The following DPP10 variants were observed in gnomAD, a reference collection of about 807,000 sequenced individuals.
DPP10 encodes the protein dipeptidyl peptidase like 10.
In DPP10, 33 loss-of-function variants were observed where a neutral mutation model predicts 120.9. The observed-to-expected ratio is 0.27, with a 90% CI of 0.21 to 0.37. The LOEUF (loss-of-function observed/expected upper bound fraction) is 0.37. Among genes scored for constraint, DPP10 ranks in the 10% least tolerant of loss-of-function variants. DPP10 has a pLI of 1.00. For synonymous variants in DPP10, 337 were observed against 326.1 expected, an observed-to-expected ratio of 1.03 and a Z score of -0.36; for missense variants, 816 against 942.8, an observed-to-expected ratio of 0.87 and a Z score of 1.76.
At chr2:115,197,142 C>T (rs2055337850) in intron 1 of DPP10, among the ~76,000 whole-genome samples, 1 of 152,066 alleles carries the variant, frequency 6.6e-6, no homozygotes, top group Admixed American at 6.6e-5. Flanking sequence ...GCCTATAATC[C>T]CAGCACTTTG....
At chr2:115,758,010 G>A (rs1679639362) in intron 11 of DPP10, among the ~76,000 whole-genome samples, 1 of 152,008 alleles carries the variant, frequency 6.6e-6, no homozygotes, top group South Asian at 2.1e-4. Context: ...GTACTATCAA[G>A]CAAACTTTAC....
intron 1 of DPP10, among the ~76,000 whole-genome samples, chr2:115,107,615 T>C (rs1047239754): frequency 6.6e-5 from 10 of 151,932 alleles, no homozygotes; most frequent in African/African-American, 2.4e-4. Flanking sequence ...TAGATAGGTA[T>C]AGGTATAACA....
intron 1 of DPP10, among the ~76,000 whole-genome samples, chr2:114,794,425 G>T (rs545645462): frequency 1.3e-5 from 2 of 152,264 alleles, no homozygotes; most frequent in East Asian, 3.9e-4. Flanking sequence ...AGGGTGTTCC[G>T]TTCCATTGTT....
chr2:115,341,526 T>C (rs1176089128), intron 2 of DPP10, among the ~76,000 whole-genome samples: 1 of 152,150 alleles, frequency 6.6e-6, no homozygotes, highest in Non-Finnish European at 1.5e-5. Flanking sequence ...TTTGGACAAG[T>C]AAATAAAGAC....
chr2:115,645,590 C>T (rs2087174211), intron 5 of DPP10, among the ~76,000 whole-genome samples: 1 of 152,070 alleles, frequency 6.6e-6, no homozygotes, highest in African/African-American at 2.4e-5. Flanking sequence ...GAAAATGAAA[C>T]TCCCCCTTAC....
At chr2:114,929,508 C>G (rs1163784602) in intron 1 of DPP10, among the ~76,000 whole-genome samples, 1 of 152,192 alleles carries the variant, frequency 6.6e-6, no homozygotes, top group East Asian at 1.9e-4. Context: ...TTATTCCTTA[C>G]TGGGAAAAGA....
At chr2:114,832,454 G>A (rs1271180101) in intron 1 of DPP10, among the ~76,000 whole-genome samples, 2 of 152,170 alleles carry the variant, frequency 1.3e-5, no homozygotes, top group African/African-American at 2.4e-5. Flanking sequence ...AGAAATGCTT[G>A]AATCCAAGAG....
intron 1 of DPP10, among the ~76,000 whole-genome samples, chr2:114,628,729 T>A (rs1308426957): frequency 6.6e-6 from 1 of 152,062 alleles, no homozygotes; most frequent in Non-Finnish European, 1.5e-5. Flanking sequence ...GACAAATAGA[T>A]TAGTAACAAT....
At chr2:115,413,036 A>G (rs2069085295) in intron 3 of DPP10, among the ~76,000 whole-genome samples, 3 of 152,142 alleles carry the variant, frequency 2.0e-5, no homozygotes, top group South Asian at 2.1e-4. Flanking sequence ...GCTGTCTAAC[A>G]TTAAGTATAA....
intron 15 of DPP10, among the ~76,000 whole-genome samples, chr2:115,778,429 CA>C (rs576578327): frequency 2.0e-5 from 3 of 151,872 alleles, no homozygotes; most frequent in African/African-American, 7.3e-5. Flanking sequence ...AAACTATACT[CA>C]AAAAAAGGCT....
intron 3 of DPP10, among the ~76,000 whole-genome samples, chr2:115,379,127 G>A (rs1324483300): frequency 1.3e-5 from 2 of 152,140 alleles, no homozygotes; most frequent in Admixed American, 6.5e-5. Context: ...AGAAGGAATG[G>A]TACCAGTTCC....
At chr2:114,517,989 C>G (rs1684742126) in intron 1 of DPP10, among the ~76,000 whole-genome samples, 1 of 147,674 alleles carries the variant, frequency 6.8e-6, no homozygotes, top group Non-Finnish European at 1.5e-5. Context: ...TCTTCCTCAA[C>G]ATATTGTTTA....
chr2:115,420,956 T>TA (rs2069890643), intron 3 of DPP10, among the ~76,000 whole-genome samples: 1 of 152,152 alleles, frequency 6.6e-6, no homozygotes, highest in African/African-American at 2.4e-5. Flanking sequence ...AATCTAGAAA[T>TA]ACGTAATTTT....
At chr2:115,818,089 G>A (rs1575879163) in intron 21 of DPP10, among the ~76,000 whole-genome samples, 1 of 152,110 alleles carries the variant, frequency 6.6e-6, no homozygotes. Flanking sequence ...AAAAGGGAGA[G>A]CAAGAGCAGT....
chr2:115,380,462 G>C (rs189937324), intron 3 of DPP10, among the ~76,000 whole-genome samples: 3 of 151,984 alleles, frequency 2.0e-5, no homozygotes, highest in African/African-American at 2.4e-5. Flanking sequence ...ATGTGAGATG[G>C]GTTTCCTGAA....
At chr2:114,497,283 GTATACA>G (rs1682682904) in intron 1 of DPP10, among the ~76,000 whole-genome samples, 1 of 60,866 alleles carries the variant, frequency 1.6e-5, no homozygotes, top group Non-Finnish European at 4.1e-5. Context: ...ATGTATACGT[GTATACA>G]TGTACATGTA....
At position 114,881,598 on chromosome 2, in the gene DPP10, GTCTATCTA is replaced by G. The variant is rs58501993; in HGVS notation, c.61-427603_61-427596del. ...TATCTATCTGTCTGTCTGTCTGTCT[GTCTATCTA>G]TCTATCTATCTATCTATCTATCTAT... On this transcript the variant is annotated intron_variant, in intron 1 of 25. Coordinates refer to ENST00000410059, the MANE Select transcript of DPP10 (RefSeq NM_020868.6). Among the ~76,000 whole-genome samples the G allele has an allele frequency of 2.4e-3, 344 of 141,174 alleles. 6 individuals carry two copies. The highest frequency in any genetic ancestry group is 0.014 in the Middle Eastern group (4 of 284). 92.6% of individuals were successfully genotyped at this position (141,174 alleles called of 152,430 possible). A position where few individuals can be genotyped will look rare whatever the true frequency, so the allele number is the denominator to read the frequency against.
chr2:114,453,169 T>C (rs1678378695), intron 1 of DPP10, among the ~76,000 whole-genome samples: 1 of 152,198 alleles, frequency 6.6e-6, no homozygotes, highest in East Asian at 1.9e-4. Flanking sequence ...GATTTTAGAA[T>C]CTGACAGACA....
At chr2:115,442,223 A>C (rs2104880029) in intron 3 of DPP10, among the ~76,000 whole-genome samples, 1 of 152,156 alleles carries the variant, frequency 6.6e-6, no homozygotes, top group Admixed American at 6.5e-5. Context: ...TTAACCAATT[A>C]GTTTTGGTAG....
Sources: gnomAD v4.1 joint callset for allele counts (sites outside exome capture counted in the v4.1 genomes callset) on GRCh38, gnomAD v4.1.1 for gene constraint, MANE v1.5 for transcripts, NCBI Gene and HGNC (gene_info 2026-07-23, HGNC 2026-07-21) for gene names.